DOK6: variants seen among roughly 807,000 people sequenced by gnomAD.
The protein encoded by DOK6 is docking protein 6, also known as downstream of tyrosine kinase 6.
A neutral mutation model predicts 44.0 loss-of-function variants in DOK6; 22 were observed. That is an observed-to-expected ratio of 0.50 (90% CI 0.36 to 0.71). The LOEUF (loss-of-function observed/expected upper bound fraction) is 0.71. Ranked by LOEUF, DOK6 falls within the 30% of genes least tolerant of loss-of-function variation. The pLI, the probability that DOK6 is intolerant of heterozygous loss-of-function variation, is 0.00. For missense variants in DOK6, 340 were observed against 416.4 expected (o/e 0.82, Z 1.60); for synonymous variants, 166 against 145.5 (o/e 1.14, Z -1.01).
chr18:69,767,713 G>A (rs1359650352), intron 7 of DOK6, among the ~76,000 whole-genome samples: 1 of 152,138 alleles, frequency 6.6e-6, no homozygotes, highest in Non-Finnish European at 1.5e-5. Flanking sequence ...TAGCTTTCTC[G>A]AGCCAGTTAA....
intron 2 of DOK6, 90 bp from the exon 3 acceptor site, chr18:69,599,294 T>C: frequency 1.1e-6 from 1 of 922,758 alleles, no homozygotes; most frequent in South Asian, 1.8e-5. Flanking sequence ...GAAATTCATG[T>C]AAGACTGTGA....
chr18:69,778,973 T>A (rs75028697), intron 7 of DOK6, among the ~76,000 whole-genome samples: 1 of 152,202 alleles, frequency 6.6e-6, no homozygotes, highest in Non-Finnish European at 1.5e-5. Context: ...GGCTCACTTC[T>A]GCTCTATTTG....
chr18:69,559,124 C>A (rs1982763531), intron 1 of DOK6, among the ~76,000 whole-genome samples: 1 of 152,082 alleles, frequency 6.6e-6, no homozygotes, highest in African/African-American at 2.4e-5. Context: ...AATATTAAAT[C>A]TATTTTTTCC....
chr18:69,512,079 TC>T (rs1568281289), intron 1 of DOK6, among the ~76,000 whole-genome samples: 1 of 131,130 alleles, frequency 7.6e-6, no homozygotes, highest in Non-Finnish European at 1.6e-5. Context: ...CATCGCCCCA[TC>T]CCCCCACACG....
rs1432831299 is a variant in DOK6, at chr18:69,654,068, G to T, written c.290-23666G>T. 2.6e-5 allele frequency among the ~76,000 whole-genome samples: 4 copies of T among 152,142 alleles called. 1 individual carries two copies. The highest frequency in any genetic ancestry group is 5.9e-5 in the Non-Finnish European group (4 of 68,018). On this transcript the variant is annotated intron_variant, in intron 3 of 7. Coordinates refer to ENST00000382713, the MANE Select transcript of DOK6 (RefSeq NM_152721.6). ...ACAAAAATTCTGAAATCCTACAAAT[G>T]AAAGTAAAATGTAATGAAGATTTGA... is the stretch of plus-strand genomic sequence containing the variant.
intron 5 of DOK6, among the ~76,000 whole-genome samples, chr18:69,704,142 G>A (rs868576080): frequency 2.6e-5 from 4 of 152,116 alleles, no homozygotes; most frequent in East Asian, 1.9e-4. Flanking sequence ...GGCAGCCTGC[G>A]CTAATACAAA....
intron 6 of DOK6, among the ~76,000 whole-genome samples, chr18:69,747,533 A>G (rs960603200): frequency 1.3e-5 from 2 of 152,080 alleles, no homozygotes; most frequent in African/African-American, 4.8e-5. Context: ...AGGTCTTCTC[A>G]AGGGATAAGG....
intron 2 of DOK6, among the ~76,000 whole-genome samples, chr18:69,587,337 A>G (rs1983526976): frequency 2.0e-5 from 3 of 152,232 alleles, no homozygotes; most frequent in Admixed American, 2.0e-4. Context: ...TTAGCGCAAC[A>G]TAACTTCTAT....
At chr18:69,539,159 C>T (rs568586434) in intron 1 of DOK6, among the ~76,000 whole-genome samples, 32 of 152,270 alleles carry the variant, frequency 2.1e-4, no homozygotes, top group African/African-American at 7.7e-4. Context: ...GAAATACAAA[C>T]ATGATCATGA....
intron 3 of DOK6, chr18:69,662,550 T>A (rs1176462631): frequency 6.6e-6 from 1 of 152,268 alleles, no homozygotes; most frequent in Admixed American, 6.5e-5. Context: ...TTTGGACTTT[T>A]GTCTAAAGAC....
chr18:69,732,250 A>G (rs866569239), intron 5 of DOK6, among the ~76,000 whole-genome samples: 9 of 152,294 alleles, frequency 5.9e-5, no homozygotes, highest in Middle Eastern at 3.4e-3. Flanking sequence ...TTGTCAGGGA[A>G]TATCTGATAT....
intron 3 of DOK6, among the ~76,000 whole-genome samples, chr18:69,672,520 G>A (rs969247082): frequency 6.6e-5 from 10 of 152,152 alleles, no homozygotes; most frequent in African/African-American, 2.4e-4. Flanking sequence ...CACCGCGCCC[G>A]GCTAATTTTG....
intron 1 of DOK6, among the ~76,000 whole-genome samples, chr18:69,479,016 T>C (rs1278772394): frequency 6.6e-6 from 1 of 152,216 alleles, no homozygotes; most frequent in Non-Finnish European, 1.5e-5. Flanking sequence ...TTAGATATTT[T>C]GTCCGTTTCA....
chr18:69,736,201 C>T (rs541005235), intron 5 of DOK6, among the ~76,000 whole-genome samples: 8 of 152,276 alleles, frequency 5.3e-5, no homozygotes, highest in Admixed American at 5.2e-4. Context: ...GTTATAGTAG[C>T]TACTTGAAAA....
intron 1 of DOK6, among the ~76,000 whole-genome samples, chr18:69,547,094 GTTGT>G (rs1054047982): frequency 4.6e-5 from 7 of 151,152 alleles, no homozygotes; most frequent in African/African-American, 9.7e-5. Context: ...ACCCTTTTTT[GTTGT>G]TTGTTTGTTT....
At chr18:69,575,284 G>A (rs1983212483) in intron 2 of DOK6, among the ~76,000 whole-genome samples, 1 of 151,934 alleles carries the variant, frequency 6.6e-6, no homozygotes. Flanking sequence ...GTCATCCTTG[G>A]CATGGTATGA....
At chr18:69,619,006 C>T (rs1984376936) in intron 3 of DOK6, among the ~76,000 whole-genome samples, 1 of 151,856 alleles carries the variant, frequency 6.6e-6, no homozygotes, top group Admixed American at 6.6e-5. Context: ...AAAAACAAGT[C>T]CTAAGTAAAA....
intron 1 of DOK6, among the ~76,000 whole-genome samples, chr18:69,531,435 T>C (rs754811128): frequency 2.6e-5 from 4 of 151,608 alleles, no homozygotes; most frequent in Non-Finnish European, 5.9e-5. Flanking sequence ...GTCTAGTCTT[T>C]ACGAAACAAA....
chr18:69,478,213 A>G (rs1980321442), intron 1 of DOK6, among the ~76,000 whole-genome samples: 1 of 152,194 alleles, frequency 6.6e-6, no homozygotes, highest in Non-Finnish European at 1.5e-5. Context: ...TGGGCACTAG[A>G]CTTAATATTT....
Sources: allele counts gnomAD v4.1 joint callset (sites outside exome capture counted in the v4.1 genomes callset), GRCh38; gene constraint gnomAD v4.1.1; transcripts MANE v1.5; gene names NCBI Gene and HGNC (gene_info 2026-07-23, HGNC 2026-07-21).